The following ASIC2 variants were observed in gnomAD, a reference collection of about 807,000 sequenced individuals.
ASIC2 encodes the protein acid sensing ion channel subunit 2, also known as acid-sensing ion channel 2.
In ASIC2, 25 loss-of-function variants were observed where a neutral mutation model predicts 57.3. The observed-to-expected ratio is 0.44, with a 90% CI of 0.32 to 0.61. The LOEUF is 0.61. ASIC2 is among the 20% of genes least tolerant of loss of function. The pLI, the probability that ASIC2 is intolerant of heterozygous loss-of-function variation, is 0.06. For synonymous variants in ASIC2, 319 were observed against 307.5 expected (o/e 1.04, Z -0.39); for missense variants, 641 against 738.1 (o/e 0.87, Z 1.52).
At chr17:33,536,225 C>A (rs908734337) in intron 1 of ASIC2, among the ~76,000 whole-genome samples, 1 of 152,150 alleles carries the variant, frequency 6.6e-6, no homozygotes, top group African/African-American at 2.4e-5. Flanking sequence ...ATGGCACTAG[C>A]ATATACTCAA....
rs1293931272 is a variant in ASIC2, at chr17:34,155,882, C to A, written c.555+96G>T. 3 of 1,411,494 alleles carry A rather than the reference C, an allele frequency of 2.1e-6. No homozygotes were observed. In the African/African-American group the frequency reaches 4.3e-5, roughly 20 times the overall value. The allele number at this position is 1,411,494 out of a possible 1,614,324, so 87.4% of individuals were successfully genotyped here. On this transcript the variant is annotated intron_variant, in intron 1 of 9. Coordinates refer to the ASIC2 transcript ENST00000359872. The stretch of plus-strand genomic sequence containing the variant: ...GGTGAGGCACTGCTCTCTCTCCTGT[C>A]CCAAAGCACAAGGAAACCCCAAACC...
intron 1 of ASIC2, among the ~76,000 whole-genome samples, chr17:33,518,759 G>A (rs757622201): frequency 1.4e-4 from 22 of 152,106 alleles, no homozygotes; most frequent in Non-Finnish European, 2.6e-4. Flanking sequence ...TGTTCCTAAA[G>A]CTGTTCTTAA....
chr17:33,317,596 G>A (rs922166274), intron 1 of ASIC2, among the ~76,000 whole-genome samples: 94 of 152,170 alleles, frequency 6.2e-4, no homozygotes, highest in African/African-American at 1.8e-3. Flanking sequence ...ATAAAAAGTC[G>A]ACAGATGTTT....
chr17:33,054,927 C>T (rs922123432), intron 3 of ASIC2, among the ~76,000 whole-genome samples: 6 of 152,156 alleles, frequency 3.9e-5, no homozygotes, highest in Admixed American at 1.3e-4. Flanking sequence ...TTTCATGCCA[C>T]GCCATTAGCA....
chr17:34,133,966 T>C (rs539854479), intron 1 of ASIC2, among the ~76,000 whole-genome samples: 2 of 152,248 alleles, frequency 1.3e-5, no homozygotes, highest in South Asian at 4.1e-4. Flanking sequence ...CAAAGAATCC[T>C]GTGGCTCAAA....
chr17:33,593,098 G>C (rs1185610158), intron 1 of ASIC2, among the ~76,000 whole-genome samples: 4 of 152,226 alleles, frequency 2.6e-5, no homozygotes, highest in Non-Finnish European at 5.9e-5. Flanking sequence ...AACCACAAAA[G>C]TCAAGAATCA....
chr17:33,751,392 CCTT>C (rs1263342947), intron 1 of ASIC2, among the ~76,000 whole-genome samples: 2 of 130,398 alleles, frequency 1.5e-5, no homozygotes, highest in South Asian at 2.2e-4. Context: ...GATGCGGCCA[CCTT>C]CTAGAATAAA....
At chr17:33,585,090 C>G (rs753517244) in intron 1 of ASIC2, among the ~76,000 whole-genome samples, 1 of 152,148 alleles carries the variant, frequency 6.6e-6, no homozygotes, top group African/African-American at 2.4e-5. Flanking sequence ...GAGATTAAAC[C>G]CTTCCTAATA....
At chr17:33,515,135 A>T (rs1248165671) in intron 1 of ASIC2, among the ~76,000 whole-genome samples, 1 of 152,222 alleles carries the variant, frequency 6.6e-6, no homozygotes, top group African/African-American at 2.4e-5. Context: ...CACTTGGTGG[A>T]TGGGGCAAGG....
intron 1 of ASIC2, among the ~76,000 whole-genome samples, chr17:33,491,114 C>T (rs1421870653): frequency 6.6e-6 from 1 of 152,168 alleles, no homozygotes; most frequent in Non-Finnish European, 1.5e-5. Context: ...TCTGCCAACC[C>T]CACTCCACAC....
At chr17:33,202,236 C>T (rs1454632486) in intron 1 of ASIC2, among the ~76,000 whole-genome samples, 4 of 152,034 alleles carry the variant, frequency 2.6e-5, no homozygotes, top group Non-Finnish European at 4.4e-5. Context: ...CAGCGAGCAG[C>T]GAGTAGTCTT....
chr17:33,650,691 A>G (rs1390205973), intron 1 of ASIC2, among the ~76,000 whole-genome samples: 3 of 152,172 alleles, frequency 2.0e-5, no homozygotes, highest in Non-Finnish European at 4.4e-5. Flanking sequence ...GAATTGCCTG[A>G]GATTTATGCT....
intron 1 of ASIC2, among the ~76,000 whole-genome samples, chr17:33,739,973 AAG>A (rs966069157): frequency 5.3e-5 from 8 of 150,744 alleles, no homozygotes; most frequent in African/African-American, 2.0e-4. Flanking sequence ...GAAAAGAAGA[AAG>A]AAAGAAAGAA....
intron 1 of ASIC2, among the ~76,000 whole-genome samples, chr17:34,111,303 G>GTA (rs556628922): frequency 1.0e-3 from 151 of 147,496 alleles, no homozygotes; most frequent in African/African-American, 3.4e-3. Context: ...ATAATATAAT[G>GTA]TATATATATT....
At chr17:33,355,568 T>G (rs1382419456) in intron 1 of ASIC2, among the ~76,000 whole-genome samples, 2 of 152,188 alleles carry the variant, frequency 1.3e-5, no homozygotes, top group East Asian at 3.9e-4. Flanking sequence ...ATTTCTTAAA[T>G]GCACAGCTTT....
intron 1 of ASIC2, among the ~76,000 whole-genome samples, chr17:33,593,878 G>A (rs1385579890): frequency 6.6e-6 from 1 of 152,182 alleles, no homozygotes; most frequent in Non-Finnish European, 1.5e-5. Context: ...CTCAGTATCT[G>A]CACAGCCTTA....
intron 1 of ASIC2, among the ~76,000 whole-genome samples, chr17:33,546,727 T>TG (rs1915589588): frequency 6.6e-6 from 1 of 152,120 alleles, no homozygotes; most frequent in African/African-American, 2.4e-5. Flanking sequence ...CTCCAGCCCT[T>TG]GGTTCATGTT....
chr17:33,032,293 GT>G (rs768002396), intron 3 of ASIC2, among the ~76,000 whole-genome samples: 4 of 151,884 alleles, frequency 2.6e-5, no homozygotes, highest in Non-Finnish European at 5.9e-5. Flanking sequence ...ATTATTCTTA[GT>G]TGTTGCTCCA....
chr17:33,072,944 C>A (rs904093757), intron 3 of ASIC2, among the ~76,000 whole-genome samples: 1 of 152,244 alleles, frequency 6.6e-6, no homozygotes, highest in East Asian at 1.9e-4. Flanking sequence ...CCCAGGCGAG[C>A]CTCTGTGCTG....
Sources: allele counts gnomAD v4.1 joint callset (sites outside exome capture counted in the v4.1 genomes callset), GRCh38; gene constraint gnomAD v4.1.1; transcripts MANE v1.5; gene names NCBI Gene and HGNC (gene_info 2026-07-23, HGNC 2026-07-21).